The following VPS28 variants were observed in gnomAD, a reference collection of about 807,000 sequenced individuals.
The protein encoded by VPS28 is vacuolar protein sorting-associated protein 28 homolog.
VPS28 carries 29 observed loss-of-function variants against 33.7 expected under a neutral mutation model. That is an observed-to-expected ratio of 0.86 (90% confidence interval 0.64 to 1.17). The LOEUF is 1.17. VPS28 is among the 50% of genes most tolerant of loss of function. VPS28 has a pLI of 0.00. For synonymous variants in VPS28, 164 were observed against 116.7 expected, an observed-to-expected ratio of 1.40 and a Z score of -2.61; for missense variants, 247 against 312.2, an observed-to-expected ratio of 0.79 and a Z score of 1.57.
At chr8:144,425,256 G>C in intron 5 of VPS28, 1 of 602,208 alleles carries the variant, frequency 1.7e-6, no homozygotes. Flanking sequence ...GCTCCAGGTG[G>C]AGACCCCGGC....
chr8:144,425,685 G>C lies in VPS28; in HGVS notation c.192C>G (p.Ser64Arg). ...KAYIKDCVSP[S>R]EYTAACSRLL... ...CCTCCCAGGACGTGGGCTCTTACTC[G>C]CTGGGGGAGACACAGTCCTTGATGT... The change falls in exon 5 of 10, where the codon AGC becomes AGG. Residue 64 changes from serine (S) to arginine (R), a missense_variant and splice_region_variant. Ser to Arg is a moderately radical substitution (Grantham distance 110). Around this residue, in one of 3 missense-constraint regions of VPS28, gnomAD observed 149 missense variants for 172.8 expected, o/e 0.86. Transcript: ENST00000292510. The C allele has an allele frequency of 6.2e-7, 1 of 1,613,694 alleles. No individual in the cohort carries two copies. The highest frequency in any genetic ancestry group is 8.5e-7 in the Non-Finnish European group (1 of 1,179,826).
intron 4 of VPS28, 88 bp downstream of exon 4, chr8:144,425,938 C>G: frequency 1.4e-6 from 2 of 1,473,754 alleles, no homozygotes; most frequent in South Asian, 2.7e-5. Flanking sequence ...TCCTCCCACC[C>G]CTCAGTTTGG....
chr8:144,425,556 C>A (rs1822671926), intron 5 of VPS28, 127 bp downstream of exon 5: 4 of 984,320 alleles, frequency 4.1e-6, no homozygotes, highest in Non-Finnish European at 5.9e-6. Flanking sequence ...CAGGGGCACC[C>A]TCCTCACGCT....
Position 144,425,040 on chromosome 8 carries a change from G to A in VPS28, c.206C>T (p.Ala69Val), listed in dbSNP as rs1822637089. The A allele has an allele frequency of 1.9e-6, 3 of 1,551,794 alleles. No homozygotes were observed. Among genetic ancestry groups the A allele is most frequent in the East Asian group, 2.4e-5 (1 of 41,016 alleles). The change falls in exon 6 of 10, where the codon GCC (alanine) becomes GTC (valine). Residue 69 changes from alanine to valine, a missense_variant. By Grantham distance (64) the Ala-to-Val change is moderately conservative. Transcript: ENST00000292510. Reference protein sequence around the residue: ...DCVSPSEYTAACSRLLVQYKA... With the variant: ...DCVSPSEYTAVCSRLLVQYKA... ...GTATTGGACCAGGAGCCGGGAGCAG[G>A]CTGCAGTGTACCTAGGGAGAGGTCA...
At chr8:144,425,200 G>C (rs868961512) in intron 5 of VPS28, 149 bp from the exon 6 acceptor site, 2 of 679,994 alleles carry the variant, frequency 2.9e-6, no homozygotes, top group Middle Eastern at 4.0e-4. Flanking sequence ...GCTGCTAGTA[G>C]CTTTTGGGGG....
rs1554877194 is a variant in VPS28 at position 144,427,706 on chromosome 8, G to C, written c.-34-727C>G. On this transcript the variant is annotated intron_variant, in intron 1 of 9. Transcript: ENST00000292510. ...GGAGAGGTGCCCCTAGTTGGGCAGC[G>C]AGCTGTGGAGAAACAATGGGAGCGG... 2.6e-5 allele frequency among the ~76,000 whole-genome samples: 4 copies of C among 152,232 alleles called. No homozygotes were observed. In the South Asian group the frequency reaches 8.3e-4, roughly 32 times the overall value.
In VPS28 at chr8:144,424,679, C is replaced by T. The variant is rs782597233; in HGVS notation, c.402+39G>A. On this transcript the variant is annotated intron_variant, in intron 7 of 9. Coordinates refer to ENST00000292510, the MANE Select transcript of VPS28 (RefSeq NM_016208.4). The stretch of plus-strand genomic sequence containing the variant: ...CGTGCCCAGCTGCAGCAGGCAGCCT[C>T]GGCTCTCCTAACCACGTGCCCTGGG... The T allele has an allele frequency of 1.2e-5, 20 of 1,601,034 alleles. No individual in the cohort carries two copies. The Admixed American group carries it at 1.7e-4, about 13-fold the overall frequency.
chr8:144,423,803 G>A lies in VPS28; in HGVS notation c.*2C>T, dbSNP rs760551691. 5.0e-6 allele frequency: 8 copies of A among 1,613,144 alleles called. No homozygotes were observed. The highest frequency in any genetic ancestry group is 1.7e-5 in the Admixed American group (1 of 60,030). On this transcript the variant is annotated 3_prime_UTR_variant, in exon 10 of 10. Coordinates refer to ENST00000292510, the MANE Select transcript of VPS28 (RefSeq NM_016208.4). Reference sequence around the variant, plus strand: ...TTCTGTGCAAGGGCTAGTGCCCCGGGCTCAGGCATGCAGGAAGCGGTTGAA... The same window carrying A: ...TTCTGTGCAAGGGCTAGTGCCCCGGACTCAGGCATGCAGGAAGCGGTTGAA...
At chr8:144,426,310 G>A in intron 2 of VPS28, 102 bp from the exon 3 acceptor site, 1 of 1,423,086 alleles carries the variant, frequency 7.0e-7, no homozygotes, top group Non-Finnish European at 9.2e-7. Context: ...GGCCTCCCAG[G>A]CTGGGTCCCA....
intron 2 of VPS28, chr8:144,426,673 C>A: frequency 1.9e-6 from 1 of 531,288 alleles, no homozygotes; most frequent in Admixed American, 3.5e-5. Context: ...CCAGGACCCC[C>A]ACCGTTCTGG....
At chr8:144,425,410 C>A in intron 5 of VPS28, 1 of 575,176 alleles carries the variant, frequency 1.7e-6, no homozygotes, top group Non-Finnish European at 3.1e-6. Flanking sequence ...CCTGGGACAT[C>A]CCCAAGCCTC....
Position 144,423,718 on chromosome 8 carries a change from G to T in VPS28, c.*87C>A. ...GGCAGCTGCAGACAGTGAGTTGTGTGGATGACCACGGCCTGTGTGGCGGAC... is the reference window on the plus strand; with the variant it reads ...GGCAGCTGCAGACAGTGAGTTGTGTTGATGACCACGGCCTGTGTGGCGGAC... On this transcript the variant is annotated 3_prime_UTR_variant, in exon 10 of 10. Coordinates refer to ENST00000292510, the MANE Select transcript of VPS28 (RefSeq NM_016208.4). The T allele has an allele frequency of 6.5e-7, 1 of 1,536,262 alleles. No homozygotes were observed.
At chr8:144,425,194 C>G in intron 5 of VPS28, 143 bp from the exon 6 acceptor site, 1 of 707,392 alleles carries the variant, frequency 1.4e-6, no homozygotes, top group Non-Finnish European at 2.4e-6. Context: ...GGAGGGGCTG[C>G]TAGTAGCTTT....
At position 144,424,271 on chromosome 8, in the gene VPS28, G is replaced by A; in HGVS notation, c.403-3C>T. ...TTGTCCATGACCGTGATGAAGAGCT[G>A]GGGGCAGGTGTGCACATGAGGCTCG... On this transcript the variant is annotated splice_region_variant and splice_polypyrimidine_tract_variant and intron_variant, in intron 7 of 9. Transcript: ENST00000292510. 1 of 1,598,936 alleles carries A rather than the reference G, an allele frequency of 6.3e-7. No individual in the cohort carries two copies.
Position 144,426,064 on chromosome 8 carries a change from C to T in VPS28, c.67-1G>A. On this transcript the variant is annotated splice_acceptor_variant, in intron 3 of 9. Transcript: ENST00000292510. LOFTEE classifies it high-confidence loss of function. ...GGGCGTTCTTGTACAACTTCACTTC[C>T]TGCCGGAGAGAGCGGGCTCTGTGGG... 1.3e-6 allele frequency: 2 copies of T among 1,543,600 alleles called. No homozygotes were observed. Among genetic ancestry groups the T allele is most frequent in the Non-Finnish European group, 1.8e-6 (2 of 1,140,036 alleles).
chr8:144,426,321 A>G, intron 2 of VPS28, 113 bp from the exon 3 acceptor site: 1 of 1,381,378 alleles, frequency 7.2e-7, no homozygotes, highest in African/African-American at 1.5e-5. Flanking sequence ...CTGGGTCCCA[A>G]AGAGCCCAGA....
Position 144,426,361 on chromosome 8 carries a change from A to T in VPS28, c.38-153T>A, listed in dbSNP as rs1391905478. The T allele has an allele frequency of 6.7e-6, 7 of 1,037,252 alleles. No homozygotes were observed. The South Asian group carries it at 1.1e-4, about 16-fold the overall frequency. 64.3% of individuals were successfully genotyped at this position (1,037,252 alleles called of 1,614,324 possible). On this transcript the variant is annotated intron_variant, in intron 2 of 9. Coordinates refer to ENST00000292510, the MANE Select transcript of VPS28 (RefSeq NM_016208.4). ...GCTGGAGCACAGAGGTTCCAACCTC[A>T]CCCCTATCAGTGTGTGGGGGGACCT...
intron 7 of VPS28, 38 bp from the exon 8 acceptor site, chr8:144,424,306 G>C: frequency 1.3e-6 from 2 of 1,548,556 alleles, no homozygotes; most frequent in Non-Finnish European, 1.7e-6. Context: ...GCGTGTCCAC[G>C]GGTGCGGGAG....
rs545259517 is a variant in VPS28 at position 144,423,791 on chromosome 8, C to T, written c.*14G>A. ...CAGACTCTGCCCTTCTGTGCAAGGG[C>T]TAGTGCCCCGGGCTCAGGCATGCAG... is the stretch of plus-strand genomic sequence containing the variant. On this transcript the variant is annotated 3_prime_UTR_variant, in exon 10 of 10. Transcript: ENST00000292510. 6.2e-7 allele frequency: 1 copy of T among 1,613,096 alleles called. No homozygotes were observed. Among genetic ancestry groups the T allele is most frequent in the East Asian group, 2.2e-5 (1 of 44,886 alleles).
Sources: allele counts gnomAD v4.1 joint callset (sites outside exome capture counted in the v4.1 genomes callset), GRCh38; gene constraint gnomAD v4.1.1; regional missense constraint gnomAD v4.1.1; transcripts MANE v1.5; gene names NCBI Gene and HGNC (gene_info 2026-07-23, HGNC 2026-07-21).